The following COL25A1 variants were observed in gnomAD, a reference collection of about 807,000 sequenced individuals.
The protein encoded by COL25A1 is collagen type XXV alpha 1 chain.
COL25A1 carries 103 observed loss-of-function variants against 128.4 expected under a neutral mutation model. The observed-to-expected ratio is 0.80, with a 90% confidence interval of 0.68 to 0.94. The LOEUF (loss-of-function observed/expected upper bound fraction) is 0.94. Ranked by LOEUF, COL25A1 falls within the 40% of genes least tolerant of loss-of-function variation. The probability of loss-of-function intolerance (pLI) is 0.00; values close to 1 mark genes in which losing one functional copy is unlikely to be tolerated. For missense variants in COL25A1, 745 were observed against 840.0 expected, an observed-to-expected ratio of 0.89 and a Z score of 1.40; for synonymous variants, 279 against 277.2, an observed-to-expected ratio of 1.01 and a Z score of -0.06.
chr4:109,140,035 G>T (rs1181047014), intron 3 of COL25A1, among the ~76,000 whole-genome samples: 2 of 152,144 alleles, frequency 1.3e-5, no homozygotes, highest in Admixed American at 1.3e-4. Flanking sequence ...GTATTCCATG[G>T]TGTATATGTG....
At chr4:108,993,964 A>G (rs923347337) in intron 6 of COL25A1, among the ~76,000 whole-genome samples, 10 of 152,322 alleles carry the variant, frequency 6.6e-5, no homozygotes, top group African/African-American at 2.4e-4. Flanking sequence ...GAAAGAGAGA[A>G]AAGAGGCAGA....
rs554319656 is a variant in COL25A1, at chr4:109,113,960, G to A, written c.368-63781C>T. ...CAAATCTTAAAGAATCACCATAAGC[G>A]CTAAATGAGAAAATATATTAAGCAC... On this transcript the variant is annotated intron_variant, in intron 3 of 37. Coordinates refer to ENST00000399132, the MANE Select transcript of COL25A1 (RefSeq NM_198721.4). 6.6e-5 allele frequency among the ~76,000 whole-genome samples: 10 copies of A among 152,028 alleles called. No homozygotes were observed. In the South Asian group the frequency reaches 1.9e-3, roughly 28 times the overall value.
At chr4:109,076,652 T>C (rs1447013990) in intron 3 of COL25A1, among the ~76,000 whole-genome samples, 1 of 152,052 alleles carries the variant, frequency 6.6e-6, no homozygotes, top group African/African-American at 2.4e-5. Flanking sequence ...TTGTGCACTT[T>C]ATTATATGGT....
At chr4:109,239,392 G>A (rs5012050) in intron 3 of COL25A1, among the ~76,000 whole-genome samples, 4,701 of 94,264 alleles carry the variant, frequency 0.05, 101 homozygotes, top group East Asian at 0.057. Flanking sequence ...GTGTGTGTGT[G>A]TGTATATATA....
At chr4:109,104,715 A>G (rs1014720234) in intron 3 of COL25A1, among the ~76,000 whole-genome samples, 3 of 152,292 alleles carry the variant, frequency 2.0e-5, no homozygotes. Context: ...AATTTCTTCA[A>G]CAACAGAAAA....
chr4:109,060,679 T>C (rs1291426961), intron 3 of COL25A1, among the ~76,000 whole-genome samples: 1 of 143,980 alleles, frequency 6.9e-6, no homozygotes, highest in Non-Finnish European at 1.5e-5. Flanking sequence ...CAACTCAGAC[T>C]CAATTTTCAA....
chr4:108,941,461 G>T, intron 8 of COL25A1, 24 bp from the exon 9 acceptor site: 1 of 1,587,126 alleles, frequency 6.3e-7, no homozygotes. Flanking sequence ...TGAGGTCAAA[G>T]GTTGAAGTTC....
At chr4:109,170,533 G>A (rs1023856730) in intron 3 of COL25A1, among the ~76,000 whole-genome samples, 3 of 152,086 alleles carry the variant, frequency 2.0e-5, no homozygotes, top group African/African-American at 7.2e-5. Context: ...CCTGGCTCCT[G>A]GGTAGAAAAG....
At chr4:108,896,599 C>T in intron 16 of COL25A1, 68 bp downstream of exon 16, 1 of 1,341,382 alleles carries the variant, frequency 7.5e-7, no homozygotes, top group East Asian at 2.3e-5. Flanking sequence ...AAAAATCCCC[C>T]ATCTTCATAA....
chr4:108,990,759 T>TA lies in COL25A1; in HGVS notation c.439-16201_439-16200insT, dbSNP rs139891095. ...TATATATGTGTGCCAGTACACTGTT[T>TA]TAAGTGCTTCATTAGGTCACATATT... On this transcript the variant is annotated intron_variant, in intron 6 of 37. Transcript: ENST00000399132. Among the ~76,000 whole-genome samples the TA allele has an allele frequency of 1.1e-3, 169 of 152,270 alleles. 4 individuals are homozygous for TA. The East Asian group carries it at 0.031, about 28-fold the overall frequency.
intron 3 of COL25A1, among the ~76,000 whole-genome samples, chr4:109,163,379 C>T (rs1318839978): frequency 6.6e-6 from 1 of 152,176 alleles, no homozygotes; most frequent in Non-Finnish European, 1.5e-5. Flanking sequence ...GATACAATGG[C>T]CTTTGCTGCA....
chr4:108,825,268 G>A, intron 33 of COL25A1, 46 bp from the exon 34 acceptor site: 2 of 1,512,524 alleles, frequency 1.3e-6, no homozygotes, highest in African/African-American at 2.7e-5. Context: ...TAAGTTTTGT[G>A]AATAGATTAT....
In COL25A1 at chr4:108,882,517, T is replaced by C. The variant is rs368210626; in HGVS notation, c.1020+1661A>G. 2.2e-3 allele frequency among the ~76,000 whole-genome samples: 338 copies of C among 152,308 alleles called. 1 individual carries two copies. The highest frequency in any genetic ancestry group is 7.7e-3 in the African/African-American group (321 of 41,570). On this transcript the variant is annotated intron_variant, in intron 19 of 37. Coordinates refer to ENST00000399132, the MANE Select transcript of COL25A1 (RefSeq NM_198721.4). ...TTGATTAATGCTGAGTATCACTTTC[T>C]TATCACTTTAAATAAATAGTTTTTA...
At chr4:108,962,064 A>C (rs921226612) in intron 8 of COL25A1, among the ~76,000 whole-genome samples, 1 of 152,178 alleles carries the variant, frequency 6.6e-6, no homozygotes, top group East Asian at 1.9e-4. Flanking sequence ...CTAATGTTAC[A>C]GTTAGTTCCT....
chr4:109,019,573 G>C (rs1049155555), intron 5 of COL25A1, among the ~76,000 whole-genome samples: 11 of 151,784 alleles, frequency 7.2e-5, no homozygotes, highest in Non-Finnish European at 1.5e-4. Context: ...GCAGCCGAGA[G>C]AGTGAGCAAG....
intron 3 of COL25A1, among the ~76,000 whole-genome samples, chr4:109,091,475 T>C (rs1364379528): frequency 2.0e-5 from 3 of 152,228 alleles, no homozygotes; most frequent in Non-Finnish European, 1.5e-5. Context: ...AGATGTCCTA[T>C]GTTGTTGTTT....
intron 3 of COL25A1, among the ~76,000 whole-genome samples, chr4:109,278,108 C>T (rs998481739): frequency 4.6e-5 from 7 of 151,838 alleles, no homozygotes; most frequent in Non-Finnish European, 1.0e-4. Context: ...GCACTCCAGC[C>T]TGGGCAACAG....
chr4:108,871,871 T>C (rs1233832869), intron 19 of COL25A1, among the ~76,000 whole-genome samples: 1 of 152,164 alleles, frequency 6.6e-6, no homozygotes, highest in Non-Finnish European at 1.5e-5. Context: ...GTTCCCTTTT[T>C]TCTCTCTCAG....
chr4:109,187,649 TA>T (rs1294927173), intron 3 of COL25A1, among the ~76,000 whole-genome samples: 1 of 152,212 alleles, frequency 6.6e-6, no homozygotes, highest in African/African-American at 2.4e-5. Flanking sequence ...TTTGAAAAAT[TA>T]TTTTTTTCTC....
Sources: gnomAD v4.1 joint callset for allele counts (sites outside exome capture counted in the v4.1 genomes callset) on GRCh38, gnomAD v4.1.1 for gene constraint, MANE v1.5 for transcripts, NCBI Gene and HGNC (gene_info 2026-07-23, HGNC 2026-07-21) for gene names.